UPRT: variants seen among roughly 807,000 people sequenced by gnomAD.
UPRT encodes the protein RP11-311P8.3.
In UPRT, 5 loss-of-function variants were observed where a neutral mutation model predicts 22.6. That is an observed-to-expected ratio of 0.22 (90% CI 0.12 to 0.47). The LOEUF (loss-of-function observed/expected upper bound fraction) is 0.47, where lower values mean the gene tolerates loss of function less well. UPRT is among the 20% of genes least tolerant of loss of function. The pLI is 0.99. For synonymous variants in UPRT, 77 were observed against 87.7 expected (o/e 0.88, Z 0.68); for missense variants, 181 against 239.9 (o/e 0.75, Z 1.62).
intron 4 of UPRT, among the ~76,000 whole-genome samples, chrX:75,238,680 A>G (rs2147650449): frequency 9.0e-6 from 1 of 111,715 alleles, no homozygotes; most frequent in South Asian, 3.7e-4. Context: ...TCATCAGCAC[A>G]TGGAACATTC....
At chrX:75,261,952 C>T (rs751836691) in intron 4 of UPRT, among the ~76,000 whole-genome samples, 47 of 110,764 alleles carry the variant, frequency 4.2e-4, no homozygotes, top group Non-Finnish European at 3.4e-4. Flanking sequence ...AGATACTCCT[C>T]GAGAAGAGAA....
intron 4 of UPRT, among the ~76,000 whole-genome samples, chrX:75,253,925 G>C (rs1018871440): frequency 9.0e-6 from 1 of 111,495 alleles, no homozygotes; most frequent in Admixed American, 9.6e-5. Context: ...GAGCTCCCTG[G>C]GTAAACTAGC....
chrX:75,237,523 C>T (rs780023740), intron 4 of UPRT, among the ~76,000 whole-genome samples: 2 of 110,079 alleles, frequency 1.8e-5, no homozygotes, highest in South Asian at 8.0e-4. Flanking sequence ...GCATTATTCA[C>T]AATAGCAAAG....
intron 4 of UPRT, among the ~76,000 whole-genome samples, chrX:75,186,784 C>T (rs1273043334): frequency 2.7e-5 from 3 of 111,898 alleles, no homozygotes; most frequent in Middle Eastern, 4.6e-3. Context: ...TAATGGCCTT[C>T]TTTGTCTCTT....
Position 75,296,435 on chromosome X carries a change from A to T in UPRT, c.499+24A>T, listed in dbSNP as rs201346220. The T allele has an allele frequency of 4.3e-6, 5 of 1,176,372 alleles. No individual in the cohort carries two copies. In the African/African-American group the frequency reaches 7.1e-5, roughly 17 times the overall value. ...AGGTAACTAGGGCTGTTATTCTCAA[A>T]TTTTCCTCATAAAAATTCTGAGCTA... On this transcript the variant is annotated intron_variant, in intron 3 of 6. Coordinates refer to ENST00000373383, the MANE Select transcript of UPRT (RefSeq NM_145052.4).
intron 4 of UPRT, among the ~76,000 whole-genome samples, chrX:75,176,816 C>T: frequency 9.0e-6 from 1 of 111,196 alleles, no homozygotes; most frequent in Admixed American, 9.5e-5. Context: ...AGGTATTTCA[C>T]TCCATTTGCC....
chrX:75,238,320 A>G (rs188409378), intron 4 of UPRT, among the ~76,000 whole-genome samples: 53 of 111,678 alleles, frequency 4.7e-4, no homozygotes, highest in African/African-American at 1.7e-3. Context: ...CACAGCAAGC[A>G]GGAGTAGCTA....
At chrX:75,266,745 T>TA (rs1242269969) in intron 4 of UPRT, among the ~76,000 whole-genome samples, 2 of 109,667 alleles carry the variant, frequency 1.8e-5, no homozygotes, top group Non-Finnish European at 3.8e-5. Flanking sequence ...CATTTAGAAT[T>TA]AAAAAAACAA....
At position 75,283,079 on chromosome X, in the gene UPRT, T is replaced by C. The variant is rs1602491001; in HGVS notation, c.386+8439T>C. Among the ~76,000 whole-genome samples the C allele has an allele frequency of 8.0e-5, 9 of 112,215 alleles. No homozygotes were observed. The South Asian group carries it at 3.3e-3, about 41-fold the overall frequency. On this transcript the variant is annotated intron_variant, in intron 1 of 6. Coordinates refer to ENST00000373383, the MANE Select transcript of UPRT (RefSeq NM_145052.4). ...TTGCTTTCAAGTTTGTTTCTTCTGATATAACAACAGCTACTCCAGCTCGGT... is the reference window on the plus strand; with the variant it reads ...TTGCTTTCAAGTTTGTTTCTTCTGACATAACAACAGCTACTCCAGCTCGGT...
intron 4 of UPRT, among the ~76,000 whole-genome samples, chrX:75,242,653 A>G (rs1173359116): frequency 1.8e-5 from 2 of 110,717 alleles, no homozygotes; most frequent in African/African-American, 6.5e-5. Flanking sequence ...TATCTGTAAA[A>G]TCGAGATAAC....
At chrX:75,189,328 T>C (rs889738942) in intron 4 of UPRT, among the ~76,000 whole-genome samples, 2 of 112,360 alleles carry the variant, frequency 1.8e-5, no homozygotes, top group African/African-American at 6.5e-5. Context: ...CCAGTTTGAT[T>C]GCACTGTAGT....
chrX:75,175,945 AG>A (rs1396172278), intron 4 of UPRT, among the ~76,000 whole-genome samples: 1 of 111,180 alleles, frequency 9.0e-6, no homozygotes, highest in Non-Finnish European at 1.9e-5. Flanking sequence ...GATTTTGTTC[AG>A]GGCCCAGGGC....
At chrX:75,301,831 G>A (rs1236446906) in intron 6 of UPRT, among the ~76,000 whole-genome samples, 1 of 111,595 alleles carries the variant, frequency 9.0e-6, no homozygotes, top group Non-Finnish European at 1.9e-5. Context: ...GATTTAATAT[G>A]GAACCTAATA....
chrX:75,249,966 T>C (rs1432294572), intron 4 of UPRT, among the ~76,000 whole-genome samples: 1 of 111,710 alleles, frequency 9.0e-6, no homozygotes, highest in African/African-American at 3.3e-5. Flanking sequence ...GACTACTGGG[T>C]ACATAACGAA....
intron 4 of UPRT, among the ~76,000 whole-genome samples, chrX:75,264,148 A>T (rs1357368289): frequency 2.7e-5 from 3 of 111,409 alleles, no homozygotes; most frequent in Non-Finnish European, 5.6e-5. Flanking sequence ...CTATGTGGTC[A>T]GTTTTGGAAT....
intron 4 of UPRT, among the ~76,000 whole-genome samples, chrX:75,185,087 C>G (rs2147613183): frequency 8.9e-6 from 1 of 111,814 alleles, no homozygotes; most frequent in African/African-American, 3.3e-5. Flanking sequence ...GAGGGCATCC[C>G]TGTCTTGTGC....
intron 4 of UPRT, among the ~76,000 whole-genome samples, chrX:75,231,215 G>A (rs745590902): frequency 9.0e-6 from 1 of 111,403 alleles, no homozygotes; most frequent in South Asian, 3.8e-4. Flanking sequence ...ACAAAATATG[G>A]ATGAAAAAGT....
chrX:75,297,454 G>A, intron 3 of UPRT, 37 bp from the exon 4 acceptor site: 1 of 1,187,864 alleles, frequency 8.4e-7, no homozygotes, highest in Admixed American at 2.2e-5. Flanking sequence ...TTACTCCAGT[G>A]ATGAAAGATA....
intron 4 of UPRT, among the ~76,000 whole-genome samples, chrX:75,213,723 T>G (rs777769947): frequency 7.2e-5 from 8 of 111,555 alleles, no homozygotes; most frequent in Non-Finnish European, 1.3e-4. Flanking sequence ...AAAAAAAAAG[T>G]ATCAGGATAA....
Sources: gnomAD v4.1 joint callset for allele counts (sites outside exome capture counted in the v4.1 genomes callset) on GRCh38, gnomAD v4.1.1 for gene constraint, MANE v1.5 for transcripts, NCBI Gene and HGNC (gene_info 2026-07-23, HGNC 2026-07-21) for gene names.